VRK1: variants seen among roughly 807,000 people sequenced by gnomAD.
The protein encoded by VRK1 is VRK serine/threonine kinase 1, also known as serine/threonine-protein kinase VRK1.
In VRK1, 33 loss-of-function variants were observed where a neutral mutation model predicts 57.1. The ratio of observed to expected loss-of-function variants is 0.58; its 90% CI spans 0.44 to 0.77. The LOEUF is 0.77. Ranked by LOEUF, VRK1 falls within the 30% of genes least tolerant of loss-of-function variation. VRK1 has a pLI of 0.00. For synonymous variants in VRK1, 137 were observed against 147.8 expected (o/e 0.93, Z 0.53); for missense variants, 413 against 477.3 (o/e 0.87, Z 1.25).
Position 96,843,830 on chromosome 14 carries a change from A to G in VRK1, c.217-2265A>G, listed in dbSNP as rs553475806. On this transcript the variant is annotated intron_variant, in intron 3 of 12. Transcript: ENST00000216639. ...GAAGTAGCTCCTTTATTTTGTGATA[A>G]TGGAAGTTTATTGGATTAGAAGAAG... Among the ~76,000 whole-genome samples the G allele has an allele frequency of 4.6e-5, 7 of 152,318 alleles. No individual in the cohort carries two copies. In the South Asian group the frequency reaches 1.5e-3, roughly 32 times the overall value.
intron 1 of VRK1, among the ~76,000 whole-genome samples, chr14:96,826,423 G>A (rs1886802459): frequency 6.6e-6 from 1 of 152,146 alleles, no homozygotes; most frequent in Non-Finnish European, 1.5e-5. Flanking sequence ...TTTCAGCAAA[G>A]GGCAGTATTG....
At chr14:96,815,440 C>T (rs555100317) in intron 1 of VRK1, among the ~76,000 whole-genome samples, 71 of 152,026 alleles carry the variant, frequency 4.7e-4, no homozygotes, top group Non-Finnish European at 7.7e-4. Flanking sequence ...ATAATAAAGA[C>T]GGAGGGGTAG....
intron 3 of VRK1, among the ~76,000 whole-genome samples, chr14:96,840,541 C>G (rs975981674): frequency 7.2e-5 from 11 of 152,096 alleles, no homozygotes; most frequent in African/African-American, 2.4e-4. Context: ...AACTAAAGTT[C>G]TTAGTATTAA....
chr14:96,859,635 A>C (rs1888303397), intron 10 of VRK1, among the ~76,000 whole-genome samples: 1 of 152,140 alleles, frequency 6.6e-6, no homozygotes, highest in African/African-American at 2.4e-5. Flanking sequence ...ATTTGAGTTA[A>C]TGAATGTGTG....
intron 10 of VRK1, among the ~76,000 whole-genome samples, chr14:96,858,449 A>G (rs184227215): frequency 2.0e-5 from 3 of 152,174 alleles, no homozygotes; most frequent in Admixed American, 1.3e-4. Context: ...ATGATATTCT[A>G]TTGTAGTTAC....
intron 1 of VRK1, among the ~76,000 whole-genome samples, chr14:96,815,042 A>G (rs1484175790): frequency 6.6e-6 from 1 of 152,226 alleles, no homozygotes; most frequent in Admixed American, 6.5e-5. Context: ...TACTGGAAGT[A>G]CACTTTGTGA....
rs943810223 is a variant in VRK1, at chr14:96,856,230, T to C, written c.810T>C (p.Tyr270=). The change falls in exon 9 of 13, where the codon TAT becomes TAC. Residue 270 remains tyrosine, a synonymous_variant. Coordinates refer to ENST00000216639, the MANE Select transcript of VRK1 (RefSeq NM_003384.3). ...PWEDNLKDPK[Y]VRDSKIRYRE... ...AGGATAATTTGAAAGATCCTAAATATGTTAGAGATTCCAAAATTAGGTAAA... is the reference window on the plus strand; with the variant it reads ...AGGATAATTTGAAAGATCCTAAATACGTTAGAGATTCCAAAATTAGGTAAA... The C allele has an allele frequency of 2.2e-5, 35 of 1,613,396 alleles. 1 individual carries two copies. The highest frequency in any genetic ancestry group is 2.2e-5 in the East Asian group (1 of 44,782).
At chr14:96,827,923 A>G (rs1184441202) in intron 1 of VRK1, among the ~76,000 whole-genome samples, 1 of 152,208 alleles carries the variant, frequency 6.6e-6, no homozygotes, top group African/African-American at 2.4e-5. Context: ...TTGTTTAAAC[A>G]CCAAGATTGG....
intron 11 of VRK1, among the ~76,000 whole-genome samples, chr14:96,873,543 A>G (rs1470452958): frequency 6.6e-6 from 1 of 152,238 alleles, no homozygotes; most frequent in African/African-American, 2.4e-5. Flanking sequence ...TATTAAACGC[A>G]AAGGCACCTG....
chr14:96,821,561 T>C (rs1237750804), intron 1 of VRK1, among the ~76,000 whole-genome samples: 1 of 152,222 alleles, frequency 6.6e-6, no homozygotes, highest in African/African-American at 2.4e-5. Context: ...TAAAGATAAA[T>C]GCAATTATTG....
intron 3 of VRK1, among the ~76,000 whole-genome samples, chr14:96,838,239 C>G (rs1044627550): frequency 7.9e-5 from 12 of 151,760 alleles, no homozygotes; most frequent in Non-Finnish European, 1.8e-4. Context: ...AATTTTCTTC[C>G]ATTTTAGTAA....
chr14:96,821,368 C>G (rs1886589350), intron 1 of VRK1, among the ~76,000 whole-genome samples: 1 of 152,088 alleles, frequency 6.6e-6, no homozygotes, highest in Non-Finnish European at 1.5e-5. Flanking sequence ...CCATCTGTCA[C>G]TAATACCAAT....
At chr14:96,820,621 CTAAAA>C (rs1357423843) in intron 1 of VRK1, among the ~76,000 whole-genome samples, 1 of 152,030 alleles carries the variant, frequency 6.6e-6, no homozygotes, top group Non-Finnish European at 1.5e-5. Flanking sequence ...TTTCCATAGT[CTAAAA>C]TAAACAAAAT....
intron 1 of VRK1, among the ~76,000 whole-genome samples, chr14:96,807,273 A>G (rs1885918036): frequency 6.6e-6 from 1 of 152,208 alleles, no homozygotes; most frequent in South Asian, 2.1e-4. Flanking sequence ...TCTTCTACTC[A>G]CTTCTGCCTT....
At chr14:96,868,757 CT>C (rs1317407596) in intron 11 of VRK1, among the ~76,000 whole-genome samples, 1 of 149,856 alleles carries the variant, frequency 6.7e-6, no homozygotes, top group African/African-American at 2.5e-5. Context: ...ATTTATTTTT[CT>C]GATATAATGG....
intron 1 of VRK1, 21 bp from the exon 2 acceptor site, chr14:96,833,446 T>C: frequency 6.2e-7 from 1 of 1,612,730 alleles, no homozygotes. Context: ...ATTCTGACCA[T>C]TTCTTTGTTT....
At chr14:96,857,458 G>C (rs1204952270) in intron 10 of VRK1, among the ~76,000 whole-genome samples, 1 of 152,138 alleles carries the variant, frequency 6.6e-6, no homozygotes, top group Non-Finnish European at 1.5e-5. Flanking sequence ...TGCGAGGACT[G>C]TGTCTTCATA....
intron 2 of VRK1, 83 bp downstream of exon 2, chr14:96,833,714 A>G (rs1269759915): frequency 3.1e-6 from 5 of 1,590,850 alleles, no homozygotes; most frequent in Non-Finnish European, 4.3e-6. Context: ...ATGAGCTGTT[A>G]TGGGATGTTC....
chr14:96,839,797 T>G (rs561048154), intron 3 of VRK1, among the ~76,000 whole-genome samples: 36 of 152,326 alleles, frequency 2.4e-4, no homozygotes, highest in Non-Finnish European at 4.4e-4. Context: ...TTAAACATTT[T>G]CTACTAGTTT....
Sources: gnomAD v4.1 joint callset for allele counts (sites outside exome capture counted in the v4.1 genomes callset) on GRCh38, gnomAD v4.1.1 for gene constraint, MANE v1.5 for transcripts, NCBI Gene and HGNC (gene_info 2026-07-23, HGNC 2026-07-21) for gene names.